Variants in PNKD observed in about 807,000 individuals in gnomAD.
PNKD encodes the protein PNKD metallo-beta-lactamase domain containing.
PNKD carries 36 observed loss-of-function variants against 45.3 expected under a neutral mutation model. That is an observed-to-expected ratio of 0.80 (90% CI 0.61 to 1.05). The LOEUF is 1.05. PNKD is among the 50% of genes least tolerant of loss of function. The pLI, the probability that PNKD is intolerant of heterozygous loss-of-function variation, is 0.00. For synonymous variants in PNKD, 197 were observed against 210.1 expected, an observed-to-expected ratio of 0.94 and a Z score of 0.54; for missense variants, 511 against 506.6, an observed-to-expected ratio of 1.01 and a Z score of -0.08.
intron 2 of PNKD, among the ~76,000 whole-genome samples, chr2:218,302,501 G>A (rs1326051107): frequency 6.6e-6 from 1 of 152,176 alleles, no homozygotes; most frequent in Non-Finnish European, 1.5e-5. Flanking sequence ...GTGAAGGTGT[G>A]GAGACACCCC....
intron 2 of PNKD, chr2:218,277,641 G>A (rs1233239925): frequency 3.1e-6 from 5 of 1,614,080 alleles, no homozygotes; most frequent in Non-Finnish European, 4.2e-6. Flanking sequence ...ACCTGGAAAT[G>A]GTGCCCGTCA....
chr2:218,280,567 TCA>T, intron 2 of PNKD: 1 of 226,684 alleles, frequency 4.4e-6, no homozygotes, highest in East Asian at 1.3e-4. Context: ...TGCATCAGCC[TCA>T]CAGAGGCAGG....
intron 8 of PNKD, 42 bp from the exon 9 acceptor site, chr2:218,344,413 A>C: frequency 7.1e-7 from 1 of 1,403,448 alleles, no homozygotes; most frequent in South Asian, 1.2e-5. Flanking sequence ...TGTACCACCA[A>C]TCTCTCTCTG....
At position 218,326,946 on chromosome 2, in the gene PNKD, G is replaced by A. The variant is rs1188070401; in HGVS notation, c.237-12837G>A. 1 of 152,362 alleles carries A rather than the reference G, an allele frequency of 6.6e-6. No individual in the cohort carries two copies. Among genetic ancestry groups the A allele is most frequent in the Admixed American group, 6.5e-5 (1 of 15,272 alleles). The allele number at this position is 152,362 out of a possible 1,614,324, so 9.4% of individuals were successfully genotyped here. On this transcript the variant is annotated intron_variant, in intron 2 of 9. Coordinates refer to ENST00000273077, the MANE Select transcript of PNKD (RefSeq NM_015488.5). The surrounding 1 kb of genome is among the most constrained non-coding windows in gnomAD (Gnocchi z 4.1). ...CCAGAAGCAGCACAATATGCCTGGG[G>A]AGTCAGATCAGGAATGTGGGACTCC...
At position 218,310,872 on chromosome 2, in the gene PNKD, G is replaced by C. The variant is rs189183048; in HGVS notation, c.237-28911G>C. On this transcript the variant is annotated intron_variant, in intron 2 of 9. Coordinates refer to ENST00000273077, the MANE Select transcript of PNKD (RefSeq NM_015488.5). ...TTCCAAAAGTGCTGGGATTACAGGC[G>C]TGAGCTACCATGCGCCCCATGTTAC... Among the ~76,000 whole-genome samples, 84 of 152,218 alleles carry C rather than the reference G, an allele frequency of 5.5e-4. No individual in the cohort carries two copies. In the East Asian group the frequency reaches 0.013, roughly 23 times the overall value.
At chr2:218,274,330 G>A (rs1691001535) in intron 2 of PNKD, 2 of 154,866 alleles carry the variant, frequency 1.3e-5, no homozygotes, top group African/African-American at 2.4e-5. Flanking sequence ...CCACCCGACA[G>A]ACTGACCCTT....
chr2:218,277,707 AAAGG>A (rs1217581465), intron 2 of PNKD: 2 of 1,613,406 alleles, frequency 1.2e-6, no homozygotes, highest in African/African-American at 1.3e-5. Context: ...AAACACTTAA[AAAGG>A]AAGGAAGGCA....
At chr2:218,335,029 G>A (rs1050016425) in intron 2 of PNKD, among the ~76,000 whole-genome samples, 1 of 152,026 alleles carries the variant, frequency 6.6e-6, no homozygotes, top group Non-Finnish European at 1.5e-5. Context: ...GCTCATGCCT[G>A]TAGTCCCAGC....
At chr2:218,277,251 G>T in intron 2 of PNKD, 1 of 1,164,722 alleles carries the variant, frequency 8.6e-7, no homozygotes, top group Non-Finnish European at 1.3e-6. Flanking sequence ...AGTTTTGTAG[G>T]TGCGGATGAG....
intron 2 of PNKD, chr2:218,272,454 A>G: frequency 4.3e-6 from 4 of 921,672 alleles, no homozygotes; most frequent in Admixed American, 1.9e-5. Flanking sequence ...GGATGAATAG[A>G]CTATAAGAGG....
intron 2 of PNKD, chr2:218,279,189 T>C: frequency 1.9e-6 from 3 of 1,577,906 alleles, no homozygotes; most frequent in Non-Finnish European, 2.6e-6. Context: ...TAATTGCCCA[T>C]GGTCACCCTG....
At chr2:218,329,110 G>C (rs1165611300) in intron 2 of PNKD, among the ~76,000 whole-genome samples, 1 of 152,244 alleles carries the variant, frequency 6.6e-6, no homozygotes, top group Non-Finnish European at 1.5e-5. Flanking sequence ...TCAGGAGGCC[G>C]AGGCAGGAGA....
intron 7 of PNKD, 94 bp downstream of exon 7, chr2:218,342,238 T>G: frequency 9.7e-7 from 1 of 1,035,802 alleles, no homozygotes; most frequent in South Asian, 1.3e-5. Context: ...AAGCCTTAGT[T>G]TTAGCACAGA....
intron 2 of PNKD, among the ~76,000 whole-genome samples, chr2:218,305,132 T>C (rs1243735005): frequency 1.3e-5 from 2 of 151,978 alleles, no homozygotes; most frequent in African/African-American, 4.8e-5. Flanking sequence ...GTCGTGACAA[T>C]GAAATCCCAC....
At chr2:218,276,038 A>C in intron 2 of PNKD, 1 of 1,612,834 alleles carries the variant, frequency 6.2e-7, no homozygotes, top group Non-Finnish European at 8.5e-7. Context: ...GGGTGAAACA[A>C]ATGGCCCCCA....
At chr2:218,272,246 G>T (rs1690868144) in intron 2 of PNKD, among the ~76,000 whole-genome samples, 1 of 150,828 alleles carries the variant, frequency 6.6e-6, no homozygotes, top group Non-Finnish European at 1.5e-5. Context: ...TCCTGCACAG[G>T]TGCTGTTGCA....
chr2:218,332,024 A>G (rs1694340235), intron 2 of PNKD, among the ~76,000 whole-genome samples: 2 of 152,104 alleles, frequency 1.3e-5, no homozygotes, highest in Admixed American at 6.6e-5. Flanking sequence ...GGAGGGGAGG[A>G]GGCAGTCCCT....
At chr2:218,305,343 T>C (rs371169099) in intron 2 of PNKD, among the ~76,000 whole-genome samples, 1 of 151,954 alleles carries the variant, frequency 6.6e-6, no homozygotes, top group African/African-American at 2.4e-5. Context: ...TGTTTTTGCC[T>C]GTTAGTTTGT....
intron 2 of PNKD, among the ~76,000 whole-genome samples, chr2:218,317,398 C>T (rs1693844433): frequency 6.6e-6 from 1 of 152,152 alleles, no homozygotes; most frequent in Non-Finnish European, 1.5e-5. Context: ...GTTGGAATTA[C>T]CTGATGGCAG....
Sources: allele counts gnomAD v4.1 joint callset (sites outside exome capture counted in the v4.1 genomes callset), GRCh38; gene constraint gnomAD v4.1.1; non-coding constraint Gnocchi (gnomAD v3.1); transcripts MANE v1.5; gene names NCBI Gene and HGNC (gene_info 2026-07-23, HGNC 2026-07-21).